Variants in AMPH observed in about 807,000 individuals in gnomAD.
AMPH encodes the protein amphiphysin, also known as amphiphysin (Stiff-Mann syndrome with breast cancer 128kD autoantigen).
A neutral mutation model predicts 99.1 loss-of-function variants in AMPH; 49 were observed. That is an observed-to-expected ratio of 0.49 (90% CI 0.39 to 0.63). AMPH has a LOEUF of 0.63. Ranked by LOEUF, AMPH falls within the 20% of genes least tolerant of loss-of-function variation. The probability of loss-of-function intolerance (pLI) is 0.00; values close to 1 mark genes in which losing one functional copy is unlikely to be tolerated. For synonymous variants in AMPH, 314 were observed against 317.3 expected, an observed-to-expected ratio of 0.99 and a Z score of 0.11; for missense variants, 759 against 863.4, an observed-to-expected ratio of 0.88 and a Z score of 1.52.
intron 20 of AMPH, 46 bp downstream of exon 20, chr7:38,389,757 GA>G: frequency 2.1e-6 from 3 of 1,450,838 alleles, no homozygotes; most frequent in Non-Finnish European, 2.9e-6. Flanking sequence ...CAGACCCTCA[GA>G]AAAAAATCAA....
chr7:38,615,631 A>AG (rs111286496), intron 1 of AMPH, among the ~76,000 whole-genome samples: 12,179 of 152,138 alleles, frequency 0.08, 815 homozygotes, highest in African/African-American at 0.17. Context: ...TCAGGGTCAG[A>AG]GGGGAGCTAC....
At position 38,469,772 on chromosome 7, in the gene AMPH, C is replaced by G. The variant is rs1787810590; in HGVS notation, c.591-3524G>C. ...ACTAACACAGTAGATCTCAACAACC[C>G]TATGACTATCCAGCCAAAACATGAG... On this transcript the variant is annotated intron_variant, in intron 7 of 20. Transcript: ENST00000356264. 3.3e-5 allele frequency among the ~76,000 whole-genome samples: 5 copies of G among 152,188 alleles called. No homozygotes were observed. The South Asian group carries it at 1.0e-3, about 32-fold the overall frequency.
intron 17 of AMPH, among the ~76,000 whole-genome samples, chr7:38,414,504 T>A (rs1347689784): frequency 6.6e-6 from 1 of 152,098 alleles, no homozygotes; most frequent in Non-Finnish European, 1.5e-5. Context: ...TAGAGAAAAT[T>A]AGAAGGGGCC....
chr7:38,483,019 A>C (rs1788350065), intron 5 of AMPH, among the ~76,000 whole-genome samples: 1 of 152,126 alleles, frequency 6.6e-6, no homozygotes, highest in Non-Finnish European at 1.5e-5. Flanking sequence ...CATTGAAACA[A>C]GCAGGAAAAG....
chr7:38,629,187 C>A (rs1434997845), intron 1 of AMPH, among the ~76,000 whole-genome samples: 3 of 152,178 alleles, frequency 2.0e-5, no homozygotes, highest in African/African-American at 7.2e-5. Flanking sequence ...CCAGCAGCCT[C>A]CATTTGGGCT....
rs7796584 is a variant in AMPH at position 38,436,397 on chromosome 7, G to T, written c.1018-9C>A. ...ACCTCAGGGACTTCATTCTGTTAAA[G>T]CAAACAACAAAACAAAATAAAACAT... On this transcript the variant is annotated splice_polypyrimidine_tract_variant and intron_variant, in intron 11 of 20. Coordinates refer to ENST00000356264, the MANE Select transcript of AMPH (RefSeq NM_001635.4). The T allele has an allele frequency of 6.2e-7, 1 of 1,601,126 alleles. No homozygotes were observed. The highest frequency in any genetic ancestry group is 8.6e-7 in the Non-Finnish European group (1 of 1,168,262).
chr7:38,525,808 C>A (rs1790165883), intron 2 of AMPH, among the ~76,000 whole-genome samples: 1 of 152,110 alleles, frequency 6.6e-6, no homozygotes, highest in Admixed American at 6.6e-5. Flanking sequence ...ACTAGTATTC[C>A]ATAGTATGGA....
At chr7:38,490,382 G>A (rs1012554729) in intron 5 of AMPH, among the ~76,000 whole-genome samples, 4 of 152,064 alleles carry the variant, frequency 2.6e-5, no homozygotes, top group African/African-American at 9.7e-5. Flanking sequence ...TACCAACCCT[G>A]ATAGTTTAAA....
At chr7:38,609,413 C>T (rs560057224) in intron 1 of AMPH, among the ~76,000 whole-genome samples, 172 of 152,292 alleles carry the variant, frequency 1.1e-3, no homozygotes, top group Non-Finnish European at 2.1e-3. Context: ...TCCTCCTGCC[C>T]AAACTCAGCC....
intron 17 of AMPH, among the ~76,000 whole-genome samples, chr7:38,406,767 TC>T (rs1785019057): frequency 6.9e-6 from 1 of 144,886 alleles, no homozygotes; most frequent in Non-Finnish European, 1.5e-5. Flanking sequence ...TCTCTCTCTC[TC>T]TCTCTCTCGT....
At chr7:38,427,464 A>C (rs1031537032) in intron 14 of AMPH, among the ~76,000 whole-genome samples, 1 of 152,214 alleles carries the variant, frequency 6.6e-6, no homozygotes, top group African/African-American at 2.4e-5. Context: ...ACAGTAAATT[A>C]GTCTGTGCTG....
chr7:38,462,892 C>T (rs1470479720), intron 10 of AMPH, 83 bp downstream of exon 10: 1 of 1,424,012 alleles, frequency 7.0e-7, no homozygotes, highest in East Asian at 2.3e-5. Context: ...TCTTAAAGCC[C>T]CGGCACCGTG....
At chr7:38,407,660 C>G (rs1292985608) in intron 17 of AMPH, among the ~76,000 whole-genome samples, 3 of 151,880 alleles carry the variant, frequency 2.0e-5, no homozygotes, top group African/African-American at 4.8e-5. Context: ...TAAATATACA[C>G]TAAGGTAAAT....
At chr7:38,620,506 G>T (rs565334986) in intron 1 of AMPH, among the ~76,000 whole-genome samples, 7 of 147,388 alleles carry the variant, frequency 4.7e-5, no homozygotes, top group Non-Finnish European at 8.9e-5. Context: ...ATCCTCCCAA[G>T]GTTTGGACCA....
chr7:38,448,134 G>A (rs1044090253), intron 11 of AMPH, among the ~76,000 whole-genome samples: 8 of 152,306 alleles, frequency 5.3e-5, no homozygotes, highest in Non-Finnish European at 7.4e-5. Context: ...CAATTACAAT[G>A]AAGCAGTGGC....
chr7:38,628,758 G>GT, intron 1 of AMPH, among the ~76,000 whole-genome samples: 1 of 152,190 alleles, frequency 6.6e-6, no homozygotes, highest in Non-Finnish European at 1.5e-5. Flanking sequence ...ATTTGCTGGA[G>GT]TTTTTTTCTG....
At chr7:38,419,617 T>C (rs914466655) in intron 16 of AMPH, among the ~76,000 whole-genome samples, 1 of 152,230 alleles carries the variant, frequency 6.6e-6, no homozygotes, top group Non-Finnish European at 1.5e-5. Context: ...AGCAAATAGA[T>C]ACTGTAAGTG....
intron 7 of AMPH, among the ~76,000 whole-genome samples, chr7:38,473,281 T>C (rs1787950844): frequency 6.6e-6 from 1 of 152,212 alleles, no homozygotes; most frequent in Non-Finnish European, 1.5e-5. Flanking sequence ...AATGACAACC[T>C]GTGTTTGGAA....
intron 13 of AMPH, among the ~76,000 whole-genome samples, chr7:38,430,260 G>A (rs1456414958): frequency 1.3e-5 from 2 of 152,196 alleles, no homozygotes; most frequent in Admixed American, 6.5e-5. Context: ...AGTATCAGAA[G>A]AAAATATTCC....
Sources: gnomAD v4.1 joint callset for allele counts (sites outside exome capture counted in the v4.1 genomes callset) on GRCh38, gnomAD v4.1.1 for gene constraint, MANE v1.5 for transcripts, NCBI Gene and HGNC (gene_info 2026-07-23, HGNC 2026-07-21) for gene names.